The following ADGRF5 variants were observed in gnomAD, a reference collection of about 807,000 sequenced individuals.
The protein encoded by ADGRF5 is G-protein coupled receptor 116.
Under a neutral mutation model 132.3 loss-of-function variants are expected in ADGRF5, and 75 were observed. That is an observed-to-expected ratio of 0.57 (90% CI 0.47 to 0.69). ADGRF5 has a LOEUF of 0.69. ADGRF5 is among the 30% of genes least tolerant of loss of function. The probability of loss-of-function intolerance (pLI) is 0.00; values close to 1 mark genes in which losing one functional copy is unlikely to be tolerated. For missense variants in ADGRF5, 1,516 were observed against 1,630.6 expected, an observed-to-expected ratio of 0.93 and a Z score of 1.21; for synonymous variants, 629 against 597.6, an observed-to-expected ratio of 1.05 and a Z score of -0.77.
At position 46,862,949 on chromosome 6, in the gene ADGRF5, C is replaced by T; in HGVS notation, c.2138G>A (p.Trp713Ter). Residue 713 changes from tryptophan (W) to a stop codon, truncating the protein, a stop_gained, in exon 15 of 21, where the codon TGG becomes TAG. Transcript: ENST00000283296. LOFTEE classifies it high-confidence loss of function. ...GATGCAGTCATTTCTCTTCTCCTCC[C>T]ACTGGGAGCCTACACATTTGTAAGT... ...TITYKCVGSQ[W>*]EEKRNDCISA... 1 of 1,613,490 alleles carries T rather than the reference C, an allele frequency of 6.2e-7. No individual in the cohort carries two copies. Among genetic ancestry groups the T allele is most frequent in the Non-Finnish European group, 8.5e-7 (1 of 1,179,778 alleles).
chr6:46,943,113 G>A (rs1188514053), intron 1 of ADGRF5, among the ~76,000 whole-genome samples: 1 of 151,256 alleles, frequency 6.6e-6, no homozygotes, highest in East Asian at 1.9e-4. Context: ...AAAAAACCTG[G>A]ATTTAGAAAT....
intron 10 of ADGRF5, among the ~76,000 whole-genome samples, chr6:46,875,264 C>T (rs1771523227): frequency 6.6e-6 from 1 of 152,186 alleles, no homozygotes; most frequent in Non-Finnish European, 1.5e-5. Flanking sequence ...TTTCCTACAA[C>T]ACCCCTGGGA....
chr6:46,905,733 C>A (rs1234121), intron 2 of ADGRF5, among the ~76,000 whole-genome samples: 2 of 149,444 alleles, frequency 1.3e-5, no homozygotes, highest in African/African-American at 2.6e-5. Context: ...TACCAATGAA[C>A]CTCTAACAAC....
chr6:46,898,339 T>G (rs1214126196), intron 3 of ADGRF5, among the ~76,000 whole-genome samples: 1 of 152,202 alleles, frequency 6.6e-6, no homozygotes, highest in African/African-American at 2.4e-5. Context: ...AAAGCCAAAG[T>G]CTTTCAAAAT....
intron 4 of ADGRF5, chr6:46,887,008 T>G (rs1284771520): frequency 6.6e-6 from 1 of 152,182 alleles, no homozygotes; most frequent in Non-Finnish European, 1.5e-5. Context: ...TTAACCCAAG[T>G]TTTTAAGATG....
At chr6:46,943,971 G>A (rs2150945509) in intron 1 of ADGRF5, among the ~76,000 whole-genome samples, 1 of 152,236 alleles carries the variant, frequency 6.6e-6, no homozygotes, top group East Asian at 1.9e-4. Flanking sequence ...AGAAATACAG[G>A]GAGGGACCCT....
At chr6:46,869,249 T>C (rs1243614212) in intron 11 of ADGRF5, 157 bp from the exon 12 acceptor site, 5 of 1,462,808 alleles carry the variant, frequency 3.4e-6, no homozygotes, top group Non-Finnish European at 4.5e-6. Flanking sequence ...ATTGGTACCT[T>C]GCTGCTCCTG....
chr6:46,869,001 C>G lies in ADGRF5; in HGVS notation c.1503G>C (p.Glu501Asp). ...TTCCAGCAGAAGTGTTCCAATAAAC[C>G]TCATCATAGTTACTCACATCACTGA... is the stretch of plus-strand genomic sequence containing the variant. Reference protein sequence around the residue: ...KCISDVSNYDEVYWNTSAGIK... With the variant: ...KCISDVSNYDDVYWNTSAGIK... Residue 501 changes from glutamate (E) to aspartate (D), a missense_variant, in exon 12 of 21, where the codon GAG (glutamate) becomes GAC (aspartate). Coordinates refer to ENST00000283296, the MANE Select transcript of ADGRF5 (RefSeq NM_001098518.2). The G allele has an allele frequency of 6.2e-7, 1 of 1,612,918 alleles. No individual in the cohort carries two copies. The highest frequency in any genetic ancestry group is 8.5e-7 in the Non-Finnish European group (1 of 1,178,950).
chr6:46,903,614 C>T (rs1416939498), intron 2 of ADGRF5: 3 of 152,116 alleles, frequency 2.0e-5, no homozygotes, highest in African/African-American at 7.2e-5. Flanking sequence ...AATCTTAACC[C>T]TACTCACCCG....
chr6:46,892,903 T>C (rs1451126286), intron 3 of ADGRF5, among the ~76,000 whole-genome samples: 3 of 152,168 alleles, frequency 2.0e-5, no homozygotes, highest in Non-Finnish European at 4.4e-5. Context: ...ATTGAATGCC[T>C]GTTTTCTAGG....
intron 12 of ADGRF5, among the ~76,000 whole-genome samples, chr6:46,868,062 T>C (rs1378539211): frequency 1.3e-5 from 2 of 152,184 alleles, no homozygotes; most frequent in Admixed American, 6.5e-5. Context: ...GTTTCTACAA[T>C]GTTGCCTAGG....
chr6:46,918,972 A>C (rs1359994480), intron 1 of ADGRF5, among the ~76,000 whole-genome samples: 1 of 152,212 alleles, frequency 6.6e-6, no homozygotes, highest in Non-Finnish European at 1.5e-5. Flanking sequence ...CAAAAAATCT[A>C]ACCATGCCCT....
chr6:46,908,021 A>G (rs1451101143), intron 1 of ADGRF5: 2 of 152,224 alleles, frequency 1.3e-5, no homozygotes, highest in Admixed American at 1.3e-4. Flanking sequence ...CCAGGTAAGC[A>G]TGGCCAGGAT....
At chr6:46,877,285 TTCTTTCTC>T (rs776955727) in intron 10 of ADGRF5, among the ~76,000 whole-genome samples, 5,551 of 60,024 alleles carry the variant, frequency 0.092, 183 homozygotes, top group Non-Finnish European at 0.1. Flanking sequence ...CTTTCTTTCT[TTCTTTCTC>T]TCTCTCTCTC....
In ADGRF5 at chr6:46,863,024, C is replaced by T. The variant is rs778170741; in HGVS notation, c.2063G>A (p.Arg688Gln). The T allele has an allele frequency of 4.3e-6, 7 of 1,613,784 alleles. No individual in the cohort carries two copies. The African/African-American group carries it at 5.3e-5, about 12-fold the overall frequency. The change falls in exon 15 of 21, where the codon CGG becomes CAG. Residue 688 changes from arginine (R) to glutamine (Q), a missense_variant. Transcript: ENST00000283296. ...AGGGCTGCTGGGAACGTTTGAGAAC[C>T]GGCATAGCTTCTGGATGACTTTCCC... The part of the protein sequence containing the change: ...EPGKVIQKLC[R>Q]FSNVPSSPES...
chr6:46,868,560 C>T (rs1220127262), intron 12 of ADGRF5, among the ~76,000 whole-genome samples: 1 of 152,172 alleles, frequency 6.6e-6, no homozygotes, highest in Non-Finnish European at 1.5e-5. Context: ...ACAGTTGGGT[C>T]AAACACTCCC....
chr6:46,858,515 T>C lies in ADGRF5; in HGVS notation c.3388A>G (p.Ile1130Val), dbSNP rs746662696. The change falls in exon 17 of 21, where the codon ATT (isoleucine) becomes GTT (valine). Residue 1130 changes from isoleucine to valine, a missense_variant. Around this residue, in one of 2 missense-constraint regions of ADGRF5, gnomAD observed 571 missense variants for 701.2 expected, o/e 0.81. Transcript: ENST00000283296. Reference sequence around the variant, plus strand: ...CAGCCATAGCCAAGACAGAAGGCAATGGCTTTCTGAGTGGACCTGCTTGTT... The same window carrying C: ...CAGCCATAGCCAAGACAGAAGGCAACGGCTTTCTGAGTGGACCTGCTTGTT... ...HETSRSTQKA[I>V]AFCLGYGCPL... is the part of the protein sequence containing the mutation. 8 of 1,613,768 alleles carry C rather than the reference T, an allele frequency of 5.0e-6. No individual in the cohort carries two copies. The East Asian group carries it at 1.6e-4, about 31-fold the overall frequency.
chr6:46,863,047 C>T lies in ADGRF5; in HGVS notation c.2040G>A (p.Gly680=). The change falls in exon 15 of 21, where the codon GGG becomes GGA. Residue 680 remains glycine (G), a synonymous_variant. Coordinates refer to ENST00000283296, the MANE Select transcript of ADGRF5 (RefSeq NM_001098518.2). ...ACCGGCATAGCTTCTGGATGACTTT[C>T]CCCGGCTCTCCGACACCTATTACGG... is the stretch of plus-strand genomic sequence containing the variant. The part of the protein sequence containing the change: ...QDPVIGVGEP[G]KVIQKLCRFS... 6.2e-7 allele frequency: 1 copy of T among 1,613,874 alleles called. No homozygotes were observed. Among genetic ancestry groups the T allele is most frequent in the African/African-American group, 1.3e-5 (1 of 75,016 alleles).
chr6:46,871,807 C>A (rs143902391), intron 11 of ADGRF5, 36 bp downstream of exon 11: 12 of 1,447,694 alleles, frequency 8.3e-6, no homozygotes, highest in South Asian at 2.7e-5. Context: ...AAGGTGGAAC[C>A]TATTTATGGC....
Sources: allele counts gnomAD v4.1 joint callset (sites outside exome capture counted in the v4.1 genomes callset), GRCh38; gene constraint gnomAD v4.1.1; regional missense constraint gnomAD v4.1.1; transcripts MANE v1.5; gene names NCBI Gene and HGNC (gene_info 2026-07-23, HGNC 2026-07-21).